The following DSCAML1 variants were observed in gnomAD, a reference collection of about 807,000 sequenced individuals.
DSCAML1 encodes the protein cell adhesion molecule DSCAML1.
DSCAML1 carries 38 observed loss-of-function variants against 200.5 expected under a neutral mutation model. The observed-to-expected ratio is 0.19, with a 90% confidence interval of 0.15 to 0.25. The LOEUF (loss-of-function observed/expected upper bound fraction) is 0.25. Among genes scored for constraint, DSCAML1 ranks in the 10% least tolerant of loss-of-function variants. DSCAML1 has a pLI of 1.00. For synonymous variants in DSCAML1, 1,215 were observed against 1,165.0 expected (o/e 1.04, Z -0.87); for missense variants, 2,223 against 2,858.8 (o/e 0.78, Z 5.07).
intron 3 of DSCAML1, among the ~76,000 whole-genome samples, chr11:117,566,130 T>C (rs2050750885): frequency 6.6e-6 from 1 of 152,222 alleles, no homozygotes; most frequent in Non-Finnish European, 1.5e-5. Context: ...TTGTTATCAT[T>C]ATCACCATCA....
intron 3 of DSCAML1, among the ~76,000 whole-genome samples, chr11:117,761,456 G>A (rs1262693422): frequency 6.6e-6 from 1 of 152,254 alleles, no homozygotes; most frequent in Non-Finnish European, 1.5e-5. Context: ...TGATGGCCTA[G>A]AGACAGATAG....
At position 117,780,761 on chromosome 11, in the gene DSCAML1, C is replaced by A; in HGVS notation, c.96G>T (p.Leu32Phe). The change falls in exon 2 of 33, where the codon TTG becomes TTT. Residue 32 changes from leucine to phenylalanine, a missense_variant. Coordinates refer to ENST00000651296, the MANE Select transcript of DSCAML1 (RefSeq NM_020693.4). The surrounding 1 kb of genome is among the most constrained non-coding windows in gnomAD (Gnocchi z 4.8). Reference protein sequence around the residue: ...GTSLYFVNDSLQQVTFSSSVG... With the variant: ...GTSLYFVNDSFQQVTFSSSVG... ...CGGAGCTGGAAAAGGTCACCTGCTG[C>A]AAGGAGTCATTTACAAAGTAGAGGC... is the stretch of plus-strand genomic sequence containing the variant. 6.6e-7 allele frequency: 1 copy of A among 1,525,546 alleles called. No individual in the cohort carries two copies. The highest frequency in any genetic ancestry group is 8.8e-7 in the Non-Finnish European group (1 of 1,138,954). 94.5% of individuals were successfully genotyped at this position (1,525,546 alleles called of 1,614,324 possible).
chr11:117,627,967 T>G (rs980385327), intron 3 of DSCAML1, among the ~76,000 whole-genome samples: 1 of 152,138 alleles, frequency 6.6e-6, no homozygotes, highest in Non-Finnish European at 1.5e-5. Flanking sequence ...CATTTCCCTG[T>G]ATTTCCCACA....
chr11:117,672,119 A>C lies in DSCAML1; in HGVS notation c.511+104672T>G, dbSNP rs887745393. Among the ~76,000 whole-genome samples the C allele has an allele frequency of 1.9e-3, 288 of 148,476 alleles. 7 individuals carry two copies. The highest frequency in any genetic ancestry group is 0.015 in the Admixed American group (229 of 14,956). On this transcript the variant is annotated intron_variant, in intron 3 of 32. Transcript: ENST00000651296. ...CCAGCTCAGAAAAAAAAAAAAAAAA[A>C]AAAAGAAGAAACCTTGGGCCTCATC...
intron 3 of DSCAML1, among the ~76,000 whole-genome samples, chr11:117,769,203 A>G (rs1216317600): frequency 2.1e-5 from 1 of 47,542 alleles, no homozygotes; most frequent in Admixed American, 4.9e-4. Flanking sequence ...TTTTATATAT[A>G]TTATATATTT....
At chr11:117,761,019 G>A (rs2054791338) in intron 3 of DSCAML1, among the ~76,000 whole-genome samples, 1 of 152,226 alleles carries the variant, frequency 6.6e-6, no homozygotes, top group African/African-American at 2.4e-5. Context: ...ATCCAAAGGA[G>A]AGAGGGGCAT....
intron 20 of DSCAML1, among the ~76,000 whole-genome samples, chr11:117,446,355 A>T (rs184569571): frequency 2.2e-3 from 340 of 152,208 alleles, no homozygotes; most frequent in African/African-American, 7.9e-3. Flanking sequence ...TAAGAGTGAA[A>T]CTCTGTCTCA....
chr11:117,791,370 A>T (rs1405081053), intron 1 of DSCAML1, among the ~76,000 whole-genome samples: 2 of 152,260 alleles, frequency 1.3e-5, no homozygotes, highest in African/African-American at 4.8e-5. Flanking sequence ...TACATCCAGC[A>T]ACAGTTATGA....
chr11:117,440,615 A>G (rs894988171), intron 21 of DSCAML1, among the ~76,000 whole-genome samples: 8 of 152,164 alleles, frequency 5.3e-5, no homozygotes, highest in African/African-American at 1.9e-4. Context: ...CCAGAGGGTT[A>G]TAAGAAGTGG....
upstream of DSCAML1, among the ~76,000 whole-genome samples, chr11:117,798,477 C>G (rs1361598623): frequency 6.6e-6 from 1 of 152,162 alleles, no homozygotes; most frequent in Non-Finnish European, 1.5e-5. Context: ...ATAAAATTTA[C>G]CATTTCAACC....
At chr11:117,592,676 A>C (rs2051280901) in intron 3 of DSCAML1, among the ~76,000 whole-genome samples, 1 of 152,182 alleles carries the variant, frequency 6.6e-6, no homozygotes. Context: ...ACACATATTC[A>C]ATAACATAAT....
chr11:117,806,672 A>G (rs972712604), intron 1 of DSCAML1, among the ~76,000 whole-genome samples: 2 of 152,184 alleles, frequency 1.3e-5, no homozygotes, highest in African/African-American at 4.8e-5. Flanking sequence ...GAAATTAACT[A>G]AGTTGTCCAA....
At chr11:117,541,314 G>A (rs571029521) in intron 3 of DSCAML1, among the ~76,000 whole-genome samples, 85 of 152,284 alleles carry the variant, frequency 5.6e-4, no homozygotes, top group Non-Finnish European at 1.1e-3. Context: ...TTTGTCCTTG[G>A]AGCACACGCT....
intron 3 of DSCAML1, among the ~76,000 whole-genome samples, chr11:117,672,705 G>A (rs1470127264): frequency 1.3e-5 from 2 of 152,136 alleles, no homozygotes; most frequent in Admixed American, 1.3e-4. Flanking sequence ...CTATCATTCT[G>A]GGTTCTGTTT....
chr11:117,701,190 C>T (rs1385233552), intron 3 of DSCAML1, among the ~76,000 whole-genome samples: 5 of 152,068 alleles, frequency 3.3e-5, no homozygotes, highest in South Asian at 2.1e-4. Context: ...TGCTGGAACC[C>T]GGAAGGCAGA....
chr11:117,600,270 T>A (rs1449374620), intron 3 of DSCAML1, among the ~76,000 whole-genome samples: 1 of 152,166 alleles, frequency 6.6e-6, no homozygotes, highest in Admixed American at 6.5e-5. Context: ...AGGATCTTCA[T>A]TGCCTTGCTC....
At chr11:117,532,258 G>T in intron 4 of DSCAML1, 118 bp downstream of exon 4, 1 of 975,524 alleles carries the variant, frequency 1.0e-6, no homozygotes, top group Non-Finnish European at 1.5e-6. Flanking sequence ...CTCTTTCTCT[G>T]ATTTCCCTGA....
At chr11:117,771,623 G>C (rs2055041254) in intron 3 of DSCAML1, among the ~76,000 whole-genome samples, 1 of 152,218 alleles carries the variant, frequency 6.6e-6, no homozygotes, top group Non-Finnish European at 1.5e-5. Flanking sequence ...GTCTGCTCCA[G>C]AGAGGCGGCG....
At chr11:117,668,263 T>C (rs1478012658) in intron 3 of DSCAML1, among the ~76,000 whole-genome samples, 1 of 152,214 alleles carries the variant, frequency 6.6e-6, no homozygotes, top group Non-Finnish European at 1.5e-5. Flanking sequence ...AAAGGTTGGC[T>C]AAGGCCACAG....
Sources: allele counts gnomAD v4.1 joint callset (sites outside exome capture counted in the v4.1 genomes callset), GRCh38; gene constraint gnomAD v4.1.1; non-coding constraint Gnocchi (gnomAD v3.1); transcripts MANE v1.5; gene names NCBI Gene and HGNC (gene_info 2026-07-23, HGNC 2026-07-21).